GAR1: variants seen among roughly 807,000 people sequenced by gnomAD.
GAR1 encodes GAR1 ribonucleoprotein, also known as H/ACA ribonucleoprotein complex subunit 1.
A neutral mutation model predicts 29.3 loss-of-function variants in GAR1; 11 were observed. The observed-to-expected ratio is 0.38, with a 90% CI of 0.24 to 0.62. GAR1 has a LOEUF of 0.62. Ranked by LOEUF, GAR1 falls within the 20% of genes least tolerant of loss-of-function variation. The pLI, the probability that GAR1 is intolerant of heterozygous loss-of-function variation, is 0.62. For synonymous variants in GAR1, 87 were observed against 93.3 expected (o/e 0.93, Z 0.39); for missense variants, 237 against 268.4 (o/e 0.88, Z 0.82).
chr4:109,817,877 A>G, intron 2 of GAR1, 59 bp from the exon 3 acceptor site: 3 of 1,382,618 alleles, frequency 2.2e-6, no homozygotes, highest in Non-Finnish European at 3.0e-6. Flanking sequence ...TTCCAGAAGC[A>G]GTTGGTCAGT....
chr4:109,822,210 T>A, intron 4 of GAR1, 137 bp from the exon 5 acceptor site: 1 of 440,730 alleles, frequency 2.3e-6, no homozygotes, highest in Non-Finnish European at 4.1e-6. Flanking sequence ...ATTAAGTCTC[T>A]ACCCAGGGAT....
intron 5 of GAR1, among the ~76,000 whole-genome samples, chr4:109,823,640 A>C (rs901587584): frequency 1.3e-5 from 2 of 152,214 alleles, no homozygotes; most frequent in East Asian, 3.8e-4. Flanking sequence ...AGTATTTATC[A>C]TAAGCAAGAG....
chr4:109,816,323 T>C lies in GAR1; in HGVS notation c.159T>C (p.Gly53=), dbSNP rs760010270. 1.9e-5 allele frequency: 30 copies of C among 1,612,756 alleles called. No individual in the cohort carries two copies. Among genetic ancestry groups the C allele is most frequent in the African/African-American group, 2.7e-5 (2 of 74,736 alleles). ...GCAGGGGAGGATTTGGACGAGGGGG[T>C]GGCCGCGGAGGCTTTAACAAAGGCC... ...GGGRGGFGRG[G]GRGGFNKGQD... Residue 53 remains glycine, a synonymous_variant, in exon 2 of 7, where the codon GGT becomes GGC. Coordinates refer to ENST00000226796, the MANE Select transcript of GAR1 (RefSeq NM_018983.4).
At position 109,818,865 on chromosome 4, in the gene GAR1, C is replaced by T. The variant is rs181639954; in HGVS notation, c.370-136C>T. 10 of 564,658 alleles carry T rather than the reference C, an allele frequency of 1.8e-5. No individual in the cohort carries two copies. In the Admixed American group the frequency reaches 3.2e-4, roughly 18 times the overall value. 35.0% of individuals were successfully genotyped at this position (564,658 alleles called of 1,614,324 possible). A position where few individuals can be genotyped will look rare whatever the true frequency, so the allele number is the denominator to read the frequency against. ...CAGGTGTGAGCCACCACGCCCAGCC[C>T]CTGGAAATTCATTTCTTATCTTTCC... On this transcript the variant is annotated intron_variant, in intron 3 of 6. Transcript: ENST00000226796.
Position 109,816,253 on chromosome 4 carries a change from G to T in GAR1, c.89G>T (p.Arg30Leu). 1 of 1,609,884 alleles carries T rather than the reference G, an allele frequency of 6.2e-7. No homozygotes were observed. Residue 30 changes from arginine to leucine, a missense_variant, in exon 2 of 7, where the codon CGA (arginine) becomes CTA (leucine). Coordinates refer to ENST00000226796, the MANE Select transcript of GAR1 (RefSeq NM_018983.4). ...CGAGGTGGCAGCAGCAACCACTTCCGAGGTGGAGGCGGCGGTGGAGGCGGC... is the reference window on the plus strand; with the variant it reads ...CGAGGTGGCAGCAGCAACCACTTCCTAGGTGGAGGCGGCGGTGGAGGCGGC... Reference protein sequence around the residue: ...FNRGGSSNHFRGGGGGGGGGN... With the variant: ...FNRGGSSNHFLGGGGGGGGGN...
At chr4:109,818,491 C>CTCTT (rs1175191552) in intron 3 of GAR1, among the ~76,000 whole-genome samples, 2 of 151,454 alleles carry the variant, frequency 1.3e-5, no homozygotes, top group Admixed American at 1.3e-4. Flanking sequence ...CTTTCTCTCT[C>CTCTT]TCTTTCTTTC....
At chr4:109,815,752 C>G (rs1429754259), upstream of GAR1, 3 of 186,078 alleles carry the variant, frequency 1.6e-5, no homozygotes, top group Non-Finnish European at 3.4e-5. Flanking sequence ...GGCGGAAGTA[C>G]CCCGCGGGTG....
At chr4:109,818,713 C>T (rs1344029864) in intron 3 of GAR1, among the ~76,000 whole-genome samples, 3 of 151,734 alleles carry the variant, frequency 2.0e-5, no homozygotes, top group East Asian at 1.9e-4. Context: ...TACAGGTGAG[C>T]GCCACCATGC....
rs1204668565 is a variant in GAR1 at position 109,818,067 on chromosome 4, A to C, written c.346A>C (p.Ile116Leu). Residue 116 changes from isoleucine (I) to leucine (L), a missense_variant, in exon 3 of 7, where the codon ATA becomes CTA. By Grantham distance (5) the Ile-to-Leu change is conservative. Coordinates refer to ENST00000226796, the MANE Select transcript of GAR1 (RefSeq NM_018983.4). ...NKEQIGKVDE[I>L]FGQLRDFYFS... ...AGAACAAATTGGAAAAGTGGATGAAATATTTGGACAACTCAGAGATTTTGT... is the reference window on the plus strand; with the variant it reads ...AGAACAAATTGGAAAAGTGGATGAACTATTTGGACAACTCAGAGATTTTGT... The C allele has an allele frequency of 1.2e-6, 2 of 1,604,714 alleles. No individual in the cohort carries two copies. Among genetic ancestry groups the C allele is most frequent in the African/African-American group, 1.3e-5 (1 of 74,408 alleles).
intron 3 of GAR1, among the ~76,000 whole-genome samples, chr4:109,818,641 T>C (rs1733420039): frequency 7.0e-6 from 1 of 143,188 alleles, no homozygotes; most frequent in African/African-American, 2.5e-5. Context: ...CTCATCTCAC[T>C]ACAACCTCCG....
At chr4:109,818,731 A>G (rs1039781289) in intron 3 of GAR1, among the ~76,000 whole-genome samples, 25 of 151,596 alleles carry the variant, frequency 1.6e-4, no homozygotes, top group Admixed American at 1.6e-3. Flanking sequence ...TGCCCGGCTG[A>G]TTTTTGTATT....
chr4:109,819,048 A>G lies in GAR1; in HGVS notation c.417A>G (p.Lys139=). The G allele has an allele frequency of 6.7e-7, 1 of 1,490,164 alleles. No homozygotes were observed. Among genetic ancestry groups the G allele is most frequent in the South Asian group, 1.1e-5 (1 of 87,938 alleles). The allele number at this position is 1,490,164 out of a possible 1,614,324, so 92.3% of individuals were successfully genotyped here. The change falls in exon 4 of 7, where the codon AAA becomes AAG. Residue 139 remains lysine (K), a synonymous_variant. Transcript: ENST00000226796. Reference sequence around the variant, plus strand: ...AAAACATGAAGGCTTCATCCTTTAAAAAACTACAGAAGGTGAGTCAAACTT... The same window carrying G: ...AAAACATGAAGGCTTCATCCTTTAAGAAACTACAGAAGGTGAGTCAAACTT... The part of the protein sequence containing the change: ...LSENMKASSF[K]KLQKFYIDPY...
intron 4 of GAR1, among the ~76,000 whole-genome samples, 192 bp from the exon 5 acceptor site, chr4:109,822,155 T>TAA (rs59097048): frequency 0.013 from 1,355 of 101,586 alleles, 25 homozygotes; most frequent in Non-Finnish European, 0.016. Context: ...GAACTTAAGG[T>TAA]AAAAAAAAAA....
intron 4 of GAR1, among the ~76,000 whole-genome samples, chr4:109,821,935 G>C (rs567399236): frequency 4.9e-4 from 75 of 152,088 alleles, no homozygotes; most frequent in African/African-American, 1.7e-3. Context: ...GTAAGTGAGA[G>C]TTGAACAGTG....
At chr4:109,821,030 A>G (rs953496042) in intron 4 of GAR1, among the ~76,000 whole-genome samples, 8 of 152,102 alleles carry the variant, frequency 5.3e-5, no homozygotes, top group African/African-American at 1.4e-4. Context: ...TTTGCTTTTT[A>G]ATTACAGATA....
At chr4:109,817,519 G>C (rs183919827) in intron 2 of GAR1, among the ~76,000 whole-genome samples, 58 of 152,260 alleles carry the variant, frequency 3.8e-4, no homozygotes, top group Non-Finnish European at 6.3e-4. Context: ...GAAGAAAAGG[G>C]AGAACCAAGA....
chr4:109,823,838 T>TTATAATGAATAAA, intron 5 of GAR1, 127 bp from the exon 6 acceptor site: 5 of 503,074 alleles, frequency 9.9e-6, no homozygotes, highest in Non-Finnish European at 1.7e-5. Flanking sequence ...TTCATTATAA[T>TTATAATGAATAAA]TATAGTTATT....
chr4:109,822,155 TAAAAAAAAAAAA>T lies in GAR1; in HGVS notation c.430-179_430-168del, dbSNP rs59097048. On this transcript the variant is annotated intron_variant, in intron 4 of 6. Coordinates refer to ENST00000226796, the MANE Select transcript of GAR1 (RefSeq NM_018983.4). ...TGCACATGTATCCCAGAACTTAAGGTAAAAAAAAAAAAAAAAAAAAAAAAGAAACCTAAGTTA... is the reference window on the plus strand; with the variant it reads ...TGCACATGTATCCCAGAACTTAAGGTAAAAAAAAAAAAGAAACCTAAGTTA... Among the ~76,000 whole-genome samples the T allele has an allele frequency of 4.9e-4, 50 of 101,646 alleles. No homozygotes were observed. In the Middle Eastern group the frequency reaches 0.025, roughly 50 times the overall value. The allele number at this position is 101,646 out of a possible 152,430, so 66.7% of individuals were successfully genotyped here. A position where few individuals can be genotyped will look rare whatever the true frequency, so the allele number is the denominator to read the frequency against.
rs942450499 is a variant in GAR1 at position 109,819,036 on chromosome 4, T to C, written c.405T>C (p.Ala135=). The change falls in exon 4 of 7, where the codon GCT becomes GCC. Residue 135 remains alanine (A), a synonymous_variant. Coordinates refer to ENST00000226796, the MANE Select transcript of GAR1 (RefSeq NM_018983.4). ...TTAAGTTGTCAGAAAACATGAAGGC[T>C]TCATCCTTTAAAAAACTACAGAAGG... is the stretch of plus-strand genomic sequence containing the variant. ...FSVKLSENMK[A]SSFKKLQKFY... 25 of 1,507,608 alleles carry C rather than the reference T, an allele frequency of 1.7e-5. No homozygotes were observed. The highest frequency in any genetic ancestry group is 2.0e-5 in the Non-Finnish European group (22 of 1,085,736). 93.4% of individuals were successfully genotyped at this position (1,507,608 alleles called of 1,614,324 possible).
Sources: allele counts gnomAD v4.1 joint callset (sites outside exome capture counted in the v4.1 genomes callset), GRCh38; gene constraint gnomAD v4.1.1; transcripts MANE v1.5; gene names NCBI Gene and HGNC (gene_info 2026-07-23, HGNC 2026-07-21).